Variants in PCDHA1 observed in about 807,000 individuals in gnomAD.
The protein encoded by PCDHA1 is protocadherin alpha-1.
Under a neutral mutation model 61.3 loss-of-function variants are expected in PCDHA1, and 42 were observed. The ratio of observed to expected loss-of-function variants is 0.69; its 90% CI spans 0.54 to 0.89. PCDHA1 has a LOEUF of 0.89. Ranked by LOEUF, PCDHA1 falls within the 40% of genes least tolerant of loss-of-function variation. PCDHA1 has a pLI of 0.00. For synonymous variants in PCDHA1, 610 were observed against 553.8 expected (o/e 1.10, Z -1.43); for missense variants, 1,256 against 1,235.3 (o/e 1.02, Z -0.25).
At chr5:140,981,207 T>C (rs1163326728) in intron 2 of PCDHA1, among the ~76,000 whole-genome samples, 1 of 152,230 alleles carries the variant, frequency 6.6e-6, no homozygotes, top group Non-Finnish European at 1.5e-5. Context: ...TTGCCTCATA[T>C]AACCCCTTTA....
chr5:140,796,069 AT>A (rs1562156931), intron 1 of PCDHA1: 1 of 1,614,190 alleles, frequency 6.2e-7, no homozygotes, highest in Admixed American at 1.7e-5. Flanking sequence ...GGGCACTGTC[AT>A]TGCTCTCATC....
chr5:140,876,551 A>G (rs781855200), intron 1 of PCDHA1: 1 of 1,614,184 alleles, frequency 6.2e-7, no homozygotes, highest in Admixed American at 1.7e-5. Context: ...CTCCCTGTGC[A>G]AGAGGATGCT....
chr5:140,938,026 A>T (rs2091889452), intron 1 of PCDHA1, among the ~76,000 whole-genome samples: 1 of 152,144 alleles, frequency 6.6e-6, no homozygotes, highest in Non-Finnish European at 1.5e-5. Context: ...GTAAAATCTC[A>T]TATTTTTATA....
chr5:140,991,981 T>C (rs2097483028), intron 3 of PCDHA1, among the ~76,000 whole-genome samples: 1 of 152,008 alleles, frequency 6.6e-6, no homozygotes, highest in South Asian at 2.1e-4. Flanking sequence ...TTATTCTGCC[T>C]ACCACCCGGT....
chr5:140,845,639 C>T (rs1007088730), intron 1 of PCDHA1, among the ~76,000 whole-genome samples: 1 of 149,600 alleles, frequency 6.7e-6, no homozygotes, highest in East Asian at 1.9e-4. Context: ...AAATCAAGTC[C>T]TCCCTTTACC....
At chr5:140,926,537 T>C (rs1584447910) in intron 1 of PCDHA1, 2 of 211,572 alleles carry the variant, frequency 9.5e-6, no homozygotes, top group African/African-American at 2.3e-5. Flanking sequence ...GCAGCCAGCG[T>C]GGTGGTCGAG....
At chr5:140,966,617 A>G (rs1169791623) in intron 1 of PCDHA1, 8 of 785,216 alleles carry the variant, frequency 1.0e-5, no homozygotes, top group African/African-American at 1.8e-5. Flanking sequence ...GGGCCTACGG[A>G]GGGAGCGGCC....
chr5:140,917,853 G>A (rs1187603480), intron 1 of PCDHA1, among the ~76,000 whole-genome samples: 1 of 151,906 alleles, frequency 6.6e-6, no homozygotes, highest in African/African-American at 2.4e-5. Flanking sequence ...TTTTTGCTTA[G>A]GATTGCTTTG....
intron 1 of PCDHA1, among the ~76,000 whole-genome samples, chr5:140,833,912 G>A (rs2150212045): frequency 3.3e-5 from 5 of 152,070 alleles, no homozygotes; most frequent in Non-Finnish European, 7.4e-5. Context: ...TAAACTTGCA[G>A]TTGTTTAAAT....
intron 1 of PCDHA1, chr5:140,842,671 C>A: frequency 1.9e-6 from 3 of 1,595,454 alleles, no homozygotes; most frequent in Non-Finnish European, 2.6e-6. Flanking sequence ...ACGTGAACGA[C>A]AATGCTCCGG....
chr5:140,823,006 G>T (rs2150121207), intron 1 of PCDHA1: 8 of 1,614,228 alleles, frequency 5.0e-6, no homozygotes, highest in Non-Finnish European at 6.8e-6. Flanking sequence ...GCTGGACAGC[G>T]CCCTGGACCG....
At chr5:140,830,285 T>A in intron 1 of PCDHA1, 1 of 1,613,564 alleles carries the variant, frequency 6.2e-7, no homozygotes, top group Non-Finnish European at 8.5e-7. Flanking sequence ...CGAGGGCGCG[T>A]GCACGGCGGA....
intron 1 of PCDHA1, among the ~76,000 whole-genome samples, chr5:140,899,684 G>T (rs1554188704): frequency 6.6e-6 from 1 of 152,154 alleles, no homozygotes; most frequent in African/African-American, 2.4e-5. Context: ...TCAGGATGAT[G>T]CTGGCCTCAT....
intron 1 of PCDHA1, chr5:140,809,033 G>A (rs1764340352): frequency 4.3e-6 from 7 of 1,613,716 alleles, no homozygotes; most frequent in African/African-American, 4.0e-5. Context: ...GCCGGGGACT[G>A]GTGGCGCGCG....
intron 3 of PCDHA1, among the ~76,000 whole-genome samples, chr5:140,999,505 A>T (rs1221080631): frequency 1.3e-5 from 2 of 152,134 alleles, no homozygotes; most frequent in African/African-American, 4.8e-5. Context: ...AAGAACCTAC[A>T]TTTTAAGCAT....
chr5:140,821,620 C>T, intron 1 of PCDHA1: 1 of 875,014 alleles, frequency 1.1e-6, no homozygotes. Flanking sequence ...AGTAGATTTT[C>T]CTTAGACAGA....
chr5:140,979,074 C>T, intron 2 of PCDHA1, 67 bp downstream of exon 2: 4 of 1,583,968 alleles, frequency 2.5e-6, no homozygotes, highest in Non-Finnish European at 2.6e-6. Context: ...TAAACTGCAT[C>T]TCCATAGGCC....
intron 1 of PCDHA1, among the ~76,000 whole-genome samples, chr5:140,913,649 T>A (rs1284685382): frequency 1.3e-5 from 2 of 152,166 alleles, no homozygotes; most frequent in Non-Finnish European, 2.9e-5. Flanking sequence ...TTTCTAGTTC[T>A]TTAAGATGTA....
At chr5:140,808,220 G>A (rs868947123) in intron 1 of PCDHA1, 7 of 1,614,204 alleles carry the variant, frequency 4.3e-6, no homozygotes, top group Non-Finnish European at 5.9e-6. Context: ...AGACAACAAC[G>A]ATAATGTCCC....
Sources: allele counts gnomAD v4.1 joint callset (sites outside exome capture counted in the v4.1 genomes callset), GRCh38; gene constraint gnomAD v4.1.1; transcripts MANE v1.5; gene names NCBI Gene and HGNC (gene_info 2026-07-23, HGNC 2026-07-21).